EXOC6B: variants seen among roughly 807,000 people sequenced by gnomAD.
EXOC6B encodes exocyst complex component 6B.
Under a neutral mutation model 113.5 loss-of-function variants are expected in EXOC6B, and 54 were observed. The ratio of observed to expected loss-of-function variants is 0.48; its 90% CI spans 0.38 to 0.60. The LOEUF (loss-of-function observed/expected upper bound fraction) is 0.60, where lower values mean the gene tolerates loss of function less well. Among genes scored for constraint, EXOC6B ranks in the 20% least tolerant of loss-of-function variants. The pLI is 0.00. For missense variants in EXOC6B, 797 were observed against 977.5 expected, an observed-to-expected ratio of 0.82 and a Z score of 2.46; for synonymous variants, 357 against 339.0, an observed-to-expected ratio of 1.05 and a Z score of -0.58.
intron 6 of EXOC6B, among the ~76,000 whole-genome samples, chr2:72,698,728 T>G (rs17008355): frequency 0.065 from 9,823 of 152,278 alleles, 776 homozygotes; most frequent in African/African-American, 0.19. Flanking sequence ...CAATTTATTC[T>G]CTGACACCAA....
intron 8 of EXOC6B, among the ~76,000 whole-genome samples, chr2:72,551,291 G>A (rs572923680): frequency 4.0e-5 from 6 of 151,620 alleles, no homozygotes; most frequent in South Asian, 4.2e-4. Context: ...TCCGCATCCC[G>A]GGTTCAAGCG....
At position 72,222,335 on chromosome 2, in the gene EXOC6B, AGGTG is replaced by A. The variant is rs973041148; in HGVS notation, c.2197-38152_2197-38149del. ...GATCGCAAAAGGCTTTCTACAGGAAAGGTGGGCCTTAAAGTATGGGGGAAAATGT... is the reference window on the plus strand; with the variant it reads ...GATCGCAAAAGGCTTTCTACAGGAAAGGCCTTAAAGTATGGGGGAAAATGT... On this transcript the variant is annotated intron_variant, in intron 20 of 21. Transcript: ENST00000272427. 3.5e-4 allele frequency among the ~76,000 whole-genome samples: 54 copies of A among 152,244 alleles called. 1 individual carries two copies. Among genetic ancestry groups the A allele is most frequent in the African/African-American group, 1.3e-3 (52 of 41,468 alleles).
intron 21 of EXOC6B, among the ~76,000 whole-genome samples, chr2:72,183,583 G>A (rs1678227366): frequency 6.6e-6 from 1 of 152,144 alleles, no homozygotes; most frequent in Admixed American, 6.5e-5. Flanking sequence ...CAGTCTGGCA[G>A]GGGGTGGGAG....
intron 7 of EXOC6B, among the ~76,000 whole-genome samples, chr2:72,573,933 G>A (rs1332000205): frequency 6.6e-6 from 1 of 151,948 alleles, no homozygotes; most frequent in African/African-American, 2.4e-5. Context: ...GGCTAACATG[G>A]TGAAACCCCA....
At chr2:72,714,645 C>T (rs1371213209) in intron 6 of EXOC6B, among the ~76,000 whole-genome samples, 1 of 152,034 alleles carries the variant, frequency 6.6e-6, no homozygotes, top group Non-Finnish European at 1.5e-5. Context: ...GCAATGAAGT[C>T]CCAAGAAGGC....
chr2:72,537,616 G>A (rs1224050311), intron 8 of EXOC6B, among the ~76,000 whole-genome samples: 1 of 152,086 alleles, frequency 6.6e-6, no homozygotes, highest in Admixed American at 6.6e-5. Context: ...CTGGGCAACA[G>A]AGTGAGACCC....
intron 6 of EXOC6B, among the ~76,000 whole-genome samples, chr2:72,672,561 A>G (rs1471080080): frequency 3.3e-5 from 5 of 149,956 alleles, no homozygotes; most frequent in Admixed American, 2.0e-4. Flanking sequence ...AAAAAAAAAA[A>G]AAAGAAAAAG....
intron 2 of EXOC6B, among the ~76,000 whole-genome samples, chr2:72,735,336 A>C (rs1039546780): frequency 3.9e-5 from 6 of 152,066 alleles, no homozygotes; most frequent in African/African-American, 1.4e-4. Flanking sequence ...CACACACACA[A>C]TTTTCAAGAA....
chr2:72,690,189 G>T (rs1033192702), intron 6 of EXOC6B, among the ~76,000 whole-genome samples: 1 of 152,152 alleles, frequency 6.6e-6, no homozygotes, highest in African/African-American at 2.4e-5. Flanking sequence ...TGCATCATTT[G>T]ACTACCATCT....
At position 72,825,942 on chromosome 2, in the gene EXOC6B, C is replaced by A. The variant is rs1167575395; in HGVS notation, c.-32G>T. 3 of 1,607,658 alleles carry A rather than the reference C, an allele frequency of 1.9e-6. No individual in the cohort carries two copies. The highest frequency in any genetic ancestry group is 1.3e-5 in the African/African-American group (1 of 75,038). The stretch of plus-strand genomic sequence containing the variant: ...GGGGCGCCCCGCAGCGCGTCCCCTC[C>A]GTCGGCTCGGCTCACCTTTTCCCTG... On this transcript the variant is annotated 5_prime_UTR_variant, in exon 1 of 22. Transcript: ENST00000272427. This position sits in a 1 kb window ranked among gnomAD's most constrained non-coding sequence, Gnocchi z 4.4.
In EXOC6B at chr2:72,397,611, T is replaced by G. The variant is rs183534017; in HGVS notation, c.1981-17741A>C. On this transcript the variant is annotated intron_variant, in intron 18 of 21. Transcript: ENST00000272427. ...CTCCAGCCTGGTGACAGGTGAAACC[T>G]CATCTCAAAAAAAAAAAATAAAATA... Among the ~76,000 whole-genome samples the G allele has an allele frequency of 2.7e-5, 3 of 112,648 alleles. No individual in the cohort carries two copies. In the East Asian group the frequency reaches 5.9e-4, roughly 22 times the overall value. The allele number at this position is 112,648 out of a possible 152,430, so 73.9% of individuals were successfully genotyped here. A position where few individuals can be genotyped will look rare whatever the true frequency, so the allele number is the denominator to read the frequency against.
At chr2:72,550,435 T>C (rs1191175109) in intron 8 of EXOC6B, among the ~76,000 whole-genome samples, 5 of 152,148 alleles carry the variant, frequency 3.3e-5, no homozygotes, top group Admixed American at 2.0e-4. Context: ...AAAATCAATG[T>C]CCAGAAAATA....
At position 72,421,536 on chromosome 2, in the gene EXOC6B, ATCTTG is replaced by A. The variant is rs577467025; in HGVS notation, c.1981-41671_1981-41667del. Among the ~76,000 whole-genome samples, 21 of 152,376 alleles carry A rather than the reference ATCTTG, an allele frequency of 1.4e-4. No individual in the cohort carries two copies. In the South Asian group the frequency reaches 3.5e-3, roughly 26 times the overall value. ...AATGACTAATTGACATTTTACAAATATCTTGTCACATATGAAAAGATTATTTGATG... is the reference window on the plus strand; with the variant it reads ...AATGACTAATTGACATTTTACAAATATCACATATGAAAAGATTATTTGATG... On this transcript the variant is annotated intron_variant, in intron 18 of 21. Coordinates refer to ENST00000272427, the MANE Select transcript of EXOC6B (RefSeq NM_015189.3).
chr2:72,484,004 C>A (rs140496377), intron 16 of EXOC6B, among the ~76,000 whole-genome samples: 1 of 152,098 alleles, frequency 6.6e-6, no homozygotes, highest in South Asian at 2.1e-4. Flanking sequence ...ATAAATCAAA[C>A]GACTATCTCT....
intron 6 of EXOC6B, among the ~76,000 whole-genome samples, chr2:72,581,833 C>G (rs912613004): frequency 4.6e-5 from 7 of 152,182 alleles, no homozygotes; most frequent in Non-Finnish European, 8.8e-5. Context: ...GTAGGTGGGC[C>G]TGCTGGGTCT....
At chr2:72,407,038 C>G (rs1405207818) in intron 18 of EXOC6B, among the ~76,000 whole-genome samples, 28 of 152,026 alleles carry the variant, frequency 1.8e-4, no homozygotes, top group Non-Finnish European at 2.9e-4. Context: ...GGGATATCAC[C>G]ACCGATCCCA....
chr2:72,822,994 G>A (rs1686663154), intron 1 of EXOC6B, among the ~76,000 whole-genome samples: 2 of 151,996 alleles, frequency 1.3e-5, no homozygotes, highest in Admixed American at 6.6e-5. Context: ...GCATGCTGCT[G>A]CCTCTGAACG....
At chr2:72,468,781 CT>C (rs1214308865) in intron 17 of EXOC6B, among the ~76,000 whole-genome samples, 2 of 152,080 alleles carry the variant, frequency 1.3e-5, no homozygotes, top group Admixed American at 6.5e-5. Flanking sequence ...ACTAGGATAT[CT>C]TTTTATTTCT....
intron 8 of EXOC6B, among the ~76,000 whole-genome samples, chr2:72,558,306 G>C (rs1474604364): frequency 1.3e-5 from 2 of 151,904 alleles, no homozygotes; most frequent in Non-Finnish European, 2.9e-5. Flanking sequence ...AGGAGAAAGA[G>C]AGAAGAAAAG....
Sources: allele counts gnomAD v4.1 joint callset (sites outside exome capture counted in the v4.1 genomes callset), GRCh38; gene constraint gnomAD v4.1.1; non-coding constraint Gnocchi (gnomAD v3.1); transcripts MANE v1.5; gene names NCBI Gene and HGNC (gene_info 2026-07-23, HGNC 2026-07-21).